The following USP11 variants were observed in gnomAD, a reference collection of about 807,000 sequenced individuals.
The protein encoded by USP11 is ubiquitin carboxyl-terminal hydrolase 11.
USP11 carries 5 observed loss-of-function variants against 72.8 expected under a neutral mutation model. That is an observed-to-expected ratio of 0.07 (90% CI 0.04 to 0.14). The LOEUF (loss-of-function observed/expected upper bound fraction) is 0.14, where lower values mean the gene tolerates loss of function less well. Ranked by LOEUF, USP11 falls within the 10% of genes least tolerant of loss-of-function variation. The pLI is 1.00. For missense variants in USP11, 480 were observed against 794.7 expected, an observed-to-expected ratio of 0.60 and a Z score of 4.76; for synonymous variants, 368 against 326.5, an observed-to-expected ratio of 1.13 and a Z score of -1.37.
intron 1 of USP11, among the ~76,000 whole-genome samples, chrX:47,237,949 TC>T (rs1433252429): frequency 9.0e-6 from 1 of 110,809 alleles, no homozygotes; most frequent in African/African-American, 3.3e-5. Context: ...TTTCCAAACT[TC>T]AGGATTTCTC....
At position 47,239,932 on chromosome X, in the gene USP11, G is replaced by A. The variant is rs770952425; in HGVS notation, c.535+25G>A. 4 of 1,182,655 alleles carry A rather than the reference G, an allele frequency of 3.4e-6. No homozygotes were observed. In the African/African-American group the frequency reaches 7.1e-5, roughly 21 times the overall value. Reference sequence around the variant, plus strand: ...GGTGAGTCTAAGGGTCACGCAATGGGTTGGTGTTCCTAGCTACTAGTCCCA... The same window carrying A: ...GGTGAGTCTAAGGGTCACGCAATGGATTGGTGTTCCTAGCTACTAGTCCCA... On this transcript the variant is annotated intron_variant, in intron 4 of 20. Transcript: ENST00000377107.
In USP11 at chrX:47,247,841, C is replaced by T. The variant is rs1163328387; in HGVS notation, c.2674C>T (p.Arg892Cys). 5.8e-6 allele frequency: 7 copies of T among 1,205,049 alleles called. No homozygotes were observed. Among genetic ancestry groups the T allele is most frequent in the Admixed American group, 2.2e-5 (1 of 44,832 alleles). ...CTACCAACGCCAGGACGTGGCGCGA[C>T]GCCTGCTGTCCCCGGCCGGCTCATC... is the stretch of plus-strand genomic sequence containing the variant. ...LFYQRQDVAR[R>C]LLSPAGSSGA... Residue 892 changes from arginine (R) to cysteine (C), a missense_variant, in exon 21 of 21, where the codon CGC becomes TGC. By Grantham distance (180) the Arg-to-Cys change is radical. Around this residue, in one of 5 missense-constraint regions of USP11, gnomAD observed 314 missense variants for 556.0 expected, o/e 0.56. Coordinates refer to ENST00000377107, the MANE Select transcript of USP11 (RefSeq NM_001371072.1).
Position 47,247,601 on chromosome X carries a change from T to A in USP11, c.2537-10T>A. 1 of 1,209,005 alleles carries A rather than the reference T, an allele frequency of 8.3e-7. No individual in the cohort carries two copies. The highest frequency in any genetic ancestry group is 1.1e-6 in the Non-Finnish European group (1 of 893,473). On this transcript the variant is annotated splice_polypyrimidine_tract_variant and intron_variant, in intron 19 of 20. Coordinates refer to ENST00000377107, the MANE Select transcript of USP11 (RefSeq NM_001371072.1). ...AAGGGTAGGCGAGGATAACTCTCCT[T>A]CCCTTTCAGACACAACATTTGCCTG...
rs1384007185 is a variant in USP11 at position 47,242,325 on chromosome X, C to T, written c.1404+19C>T. On this transcript the variant is annotated intron_variant, in intron 10 of 20. Coordinates refer to ENST00000377107, the MANE Select transcript of USP11 (RefSeq NM_001371072.1). ...AGAGCAGGTGTGGGGCAGTGGGGGC[C>T]TGGGGAGATGATGATGGACACATAG... 4 of 1,206,505 alleles carry T rather than the reference C, an allele frequency of 3.3e-6. No individual in the cohort carries two copies. Among genetic ancestry groups the T allele is most frequent in the South Asian group, 3.5e-5 (2 of 56,527 alleles).
rs1272037468 is a variant in USP11 at position 47,242,711 on chromosome X, A to G, written c.1574A>G (p.Asp525Gly). Residue 525 changes from aspartate (D) to glycine (G), a missense_variant, in exon 12 of 21, where the codon GAT (aspartate) becomes GGT (glycine). This residue lies in a region of USP11 where 314 missense variants were observed against 556.0 expected (regional missense o/e 0.56). Transcript: ENST00000377107. Reference sequence around the variant, plus strand: ...CTGAGCAGCATCTTGGACCGTGATGATATCTTCGTGTGAGTGGGGATGGCA... The same window carrying G: ...CTGAGCAGCATCTTGGACCGTGATGGTATCTTCGTGTGAGTGGGGATGGCA... The part of the protein sequence containing the change: ...EPLSSILDRD[D>G]IFVYEVSGRI... 8.3e-7 allele frequency: 1 copy of G among 1,203,283 alleles called. No individual in the cohort carries two copies. Among genetic ancestry groups the G allele is most frequent in the African/African-American group, 1.8e-5 (1 of 57,128 alleles).
rs772732922 is a variant in USP11 at position 47,241,531 on chromosome X, A to G, written c.1021-10A>G. ...CCCTCTCTCTCTGATGACCCTGCCC[A>G]TCTTCTTAGAACAAGGTTGGCCATT... is the stretch of plus-strand genomic sequence containing the variant. On this transcript the variant is annotated splice_polypyrimidine_tract_variant and intron_variant, in intron 8 of 20. Transcript: ENST00000377107. 11 of 1,192,325 alleles carry G rather than the reference A, an allele frequency of 9.2e-6. No homozygotes were observed. Among genetic ancestry groups the G allele is most frequent in the African/African-American group, 5.2e-5 (3 of 57,305 alleles).
intron 11 of USP11, 52 bp downstream of exon 11, chrX:47,242,574 G>A: frequency 3.3e-6 from 4 of 1,204,760 alleles, no homozygotes; most frequent in Non-Finnish European, 4.5e-6. Flanking sequence ...GAGGCAGAAG[G>A]GCCTGGGAGG....
intron 17 of USP11, 120 bp downstream of exon 17, chrX:47,245,602 T>C: frequency 2.2e-6 from 1 of 459,516 alleles, no homozygotes; most frequent in South Asian, 3.7e-5. Flanking sequence ...TGAAGTGCAG[T>C]GGTACAATCT....
At position 47,242,846 on chromosome X, in the gene USP11, G is replaced by A. The variant is rs183187249; in HGVS notation, c.1583+126G>A. The A allele has an allele frequency of 8.2e-3, 4,390 of 535,920 alleles. 190 individuals carry two copies. The Admixed American group carries it at 0.11, about 13-fold the overall frequency. The allele number at this position is 535,920 out of a possible 1,213,427, so 44.2% of individuals were successfully genotyped here. A position where few individuals can be genotyped will look rare whatever the true frequency, so the allele number is the denominator to read the frequency against. ...CTCGTTCACTGGGCACCTGCCCTGCGCAGAGCTTCAGCCACATGCCTTGGG... is the reference window on the plus strand; with the variant it reads ...CTCGTTCACTGGGCACCTGCCCTGCACAGAGCTTCAGCCACATGCCTTGGG... On this transcript the variant is annotated intron_variant, in intron 12 of 20. Coordinates refer to ENST00000377107, the MANE Select transcript of USP11 (RefSeq NM_001371072.1).
At position 47,239,050 on chromosome X, in the gene USP11, G is replaced by C; in HGVS notation, c.177-20G>C. The C allele has an allele frequency of 8.4e-7, 1 of 1,184,981 alleles. No individual in the cohort carries two copies. Among genetic ancestry groups the C allele is most frequent in the Non-Finnish European group, 1.1e-6 (1 of 875,210 alleles). Reference sequence around the variant, plus strand: ...CCTCAGCTACCCATGTAACACCCTTGTTACCTGTCTGGGCCCCAGGTTCCT... The same window carrying C: ...CCTCAGCTACCCATGTAACACCCTTCTTACCTGTCTGGGCCCCAGGTTCCT... On this transcript the variant is annotated intron_variant, in intron 1 of 20. Coordinates refer to ENST00000377107, the MANE Select transcript of USP11 (RefSeq NM_001371072.1).
At position 47,242,519 on chromosome X, in the gene USP11, G is replaced by A; in HGVS notation, c.1485G>A (p.Glu495=). 3 of 1,212,077 alleles carry A rather than the reference G, an allele frequency of 2.5e-6. No homozygotes were observed. Among genetic ancestry groups the A allele is most frequent in the Non-Finnish European group, 3.3e-6 (3 of 895,542 alleles). ...ALSKHTGISP[E]RMMVADVFSH... ...CCAAACACACGGGCATCTCGCCAGA[G>A]AGGGTGAGACTGCAGAAGGAGGCTG... is the stretch of plus-strand genomic sequence containing the variant. Residue 495 remains glutamate (E), a synonymous_variant, in exon 11 of 21, where the codon GAG becomes GAA. Coordinates refer to ENST00000377107, the MANE Select transcript of USP11 (RefSeq NM_001371072.1).
At position 47,244,710 on chromosome X, in the gene USP11, C is replaced by T. The variant is rs764245690; in HGVS notation, c.1872C>T (p.Val624=). The change falls in exon 15 of 21, where the codon GTC becomes GTT. Residue 624 remains valine (V), a synonymous_variant. Transcript: ENST00000377107. ...KEDDEEDKDD[V]PGPSTGGSLR... ...ATGACGAGGAGGATAAAGATGACGTCCCTGGGCCCTCAACTGGGGGCAGCC... is the reference window on the plus strand; with the variant it reads ...ATGACGAGGAGGATAAAGATGACGTTCCTGGGCCCTCAACTGGGGGCAGCC... The T allele has an allele frequency of 1.7e-6, 2 of 1,206,419 alleles. No individual in the cohort carries two copies. Among genetic ancestry groups the T allele is most frequent in the South Asian group, 1.8e-5 (1 of 56,232 alleles).
Position 47,248,107 on chromosome X carries a change from C to T in USP11, c.*177C>T, listed in dbSNP as rs1335269405. ...CGCTCTCTCCCGGGAAAGAACAGGT[C>T]GTGTCTCCTCCTAGCAGTGCGCGCC... is the stretch of plus-strand genomic sequence containing the variant. On this transcript the variant is annotated 3_prime_UTR_variant, in exon 21 of 21. Transcript: ENST00000377107. 5.7e-6 allele frequency: 4 copies of T among 705,095 alleles called. No homozygotes were observed. The highest frequency in any genetic ancestry group is 4.4e-5 in the African/African-American group (2 of 45,250). The allele number at this position is 705,095 out of a possible 1,213,427, so 58.1% of individuals were successfully genotyped here.
chrX:47,241,062 G>T, intron 7 of USP11, 186 bp downstream of exon 7: 3 of 561,927 alleles, frequency 5.3e-6, no homozygotes, highest in Non-Finnish European at 8.3e-6. Context: ...CTCTCAGCTT[G>T]CCCTCATTTT....
In USP11 at chrX:47,239,885, G is replaced by T. The variant is rs750140418; in HGVS notation, c.513G>T (p.Gln171His). The T allele has an allele frequency of 1.7e-6, 2 of 1,209,895 alleles. No individual in the cohort carries two copies. Among genetic ancestry groups the T allele is most frequent in the Non-Finnish European group, 2.2e-6 (2 of 895,101 alleles). ...HNDLGKSHTVQFSHTDSIGLV... is the reference protein window; with the variant it reads ...HNDLGKSHTVHFSHTDSIGLV... ...ATTTGGGCAAATCTCACACTGTTCA[G>T]TTCAGCCATACCGATTCTATTGGTG... Residue 171 changes from glutamine to histidine, a missense_variant, in exon 4 of 21, where the codon CAG becomes CAT. Coordinates refer to ENST00000377107, the MANE Select transcript of USP11 (RefSeq NM_001371072.1).
intron 7 of USP11, 97 bp downstream of exon 7, chrX:47,240,973 C>A: frequency 1.1e-6 from 1 of 888,511 alleles, no homozygotes; most frequent in Non-Finnish European, 1.6e-6. Flanking sequence ...GACTACAGGG[C>A]AAGGGGTCAG....
At chrX:47,241,039 C>A (rs2055399872) in intron 7 of USP11, 163 bp downstream of exon 7, 1 of 564,579 alleles carries the variant, frequency 1.8e-6, no homozygotes, top group Non-Finnish European at 2.8e-6. Flanking sequence ...CATTCCTGAA[C>A]TATCAGCCTC....
intron 12 of USP11, 120 bp downstream of exon 12, chrX:47,242,840 C>T: frequency 1.8e-6 from 1 of 557,416 alleles, no homozygotes; most frequent in Non-Finnish European, 3.0e-6. Context: ...TGGGCACCTG[C>T]CCTGCGCAGA....
chrX:47,244,467 C>T (rs778775354), intron 13 of USP11, 31 bp from the exon 14 acceptor site: 23 of 1,205,280 alleles, frequency 1.9e-5, no homozygotes, highest in Middle Eastern at 2.3e-4. Flanking sequence ...TCCTTGTACC[C>T]GTCTTGGGAG....
Sources: allele counts gnomAD v4.1 joint callset (sites outside exome capture counted in the v4.1 genomes callset), GRCh38; gene constraint gnomAD v4.1.1; regional missense constraint gnomAD v4.1.1; transcripts MANE v1.5; gene names NCBI Gene and HGNC (gene_info 2026-07-23, HGNC 2026-07-21).